DCDC2: variants seen among roughly 807,000 people sequenced by gnomAD.
DCDC2 encodes the protein doublecortin domain-containing protein 2.
In DCDC2, 40 loss-of-function variants were observed where a neutral mutation model predicts 50.2. The ratio of observed to expected loss-of-function variants is 0.80; its 90% CI spans 0.62 to 1.04. The LOEUF (loss-of-function observed/expected upper bound fraction) is 1.04. Ranked by LOEUF, DCDC2 falls within the 50% of genes least tolerant of loss-of-function variation. DCDC2 has a pLI of 0.00. For synonymous variants in DCDC2, 234 were observed against 210.6 expected, an observed-to-expected ratio of 1.11 and a Z score of -0.96; for missense variants, 570 against 581.9, an observed-to-expected ratio of 0.98 and a Z score of 0.21.
chr6:24,181,584 A>C (rs1470873125), intron 8 of DCDC2, among the ~76,000 whole-genome samples: 1 of 152,230 alleles, frequency 6.6e-6, no homozygotes, highest in Non-Finnish European at 1.5e-5. Flanking sequence ...TTTCATTTAC[A>C]ATAGCATCAA....
intron 2 of DCDC2, among the ~76,000 whole-genome samples, chr6:24,340,914 T>G (rs561410829): frequency 6.6e-6 from 1 of 152,196 alleles, no homozygotes; most frequent in African/African-American, 2.4e-5. Context: ...TTGGTAGAGA[T>G]AGGGTTTCAT....
intron 2 of DCDC2, among the ~76,000 whole-genome samples, chr6:24,318,924 A>T (rs1324027882): frequency 2.0e-5 from 3 of 151,950 alleles, no homozygotes; most frequent in Non-Finnish European, 4.4e-5. Flanking sequence ...TGATGTAATG[A>T]TTTCTTTCCT....
the DCDC2 span, among the ~76,000 whole-genome samples, chr6:24,369,222 T>C: frequency 6.6e-6 from 1 of 152,086 alleles, no homozygotes; most frequent in African/African-American, 2.4e-5. Flanking sequence ...AAGCCCCTTT[T>C]GTTTGTTTTT....
chr6:24,277,966 T>A (rs1763395506), intron 7 of DCDC2, 83 bp downstream of exon 7: 1 of 1,140,396 alleles, frequency 8.8e-7, no homozygotes, highest in African/African-American at 1.6e-5. Flanking sequence ...ATAAGGAATA[T>A]CTTCTGTGGG....
At chr6:24,317,123 T>A (rs565348105) in intron 2 of DCDC2, among the ~76,000 whole-genome samples, 2 of 151,706 alleles carry the variant, frequency 1.3e-5, no homozygotes, top group African/African-American at 4.9e-5. Context: ...GGAGAAAAAC[T>A]GAAAGATAAT....
intron 7 of DCDC2, among the ~76,000 whole-genome samples, chr6:24,268,927 T>G (rs1045873934): frequency 5.3e-5 from 8 of 152,198 alleles, no homozygotes; most frequent in African/African-American, 1.9e-4. Flanking sequence ...AAAGAAACAA[T>G]TTGGTATTAT....
At chr6:24,359,565 T>C (rs1045919873), upstream of DCDC2, among the ~76,000 whole-genome samples, 4 of 116,736 alleles carry the variant, frequency 3.4e-5, no homozygotes, top group African/African-American at 1.3e-4. Context: ...TATATATTTT[T>C]ATATATATAT....
At chr6:24,309,343 A>T (rs1483283439) in intron 2 of DCDC2, among the ~76,000 whole-genome samples, 1 of 152,070 alleles carries the variant, frequency 6.6e-6, no homozygotes, top group East Asian at 1.9e-4. Context: ...AAAAAAAATT[A>T]GTCCTAAAGA....
At chr6:24,322,212 C>T (rs1486929406) in intron 2 of DCDC2, among the ~76,000 whole-genome samples, 1 of 152,014 alleles carries the variant, frequency 6.6e-6, no homozygotes, top group Non-Finnish European at 1.5e-5. Context: ...TATTTTTGCT[C>T]CCTGAAGATT....
intron 2 of DCDC2, among the ~76,000 whole-genome samples, chr6:24,309,768 A>T (rs1167711035): frequency 6.6e-6 from 1 of 152,210 alleles, no homozygotes; most frequent in Non-Finnish European, 1.5e-5. Context: ...AAGGACAGAG[A>T]CAGGCAGACT....
At chr6:24,222,368 T>C (rs1615548) in intron 7 of DCDC2, among the ~76,000 whole-genome samples, 124,230 of 152,210 alleles carry the variant, frequency 0.82, 51,500 homozygotes, top group Non-Finnish European at 0.89. Context: ...CAAACTATTA[T>C]TGAATGTTCT....
upstream of DCDC2, among the ~76,000 whole-genome samples, chr6:24,358,787 AAAAT>A (rs1159501901): frequency 1.2e-5 from 1 of 80,474 alleles, no homozygotes; most frequent in Non-Finnish European, 2.2e-5. Context: ...TATAATATAT[AAAAT>A]ATATATTTTA....
intron 7 of DCDC2, among the ~76,000 whole-genome samples, chr6:24,253,976 C>T (rs915770444): frequency 1.3e-5 from 2 of 152,198 alleles, no homozygotes; most frequent in African/African-American, 2.4e-5. Context: ...AGCACAAACA[C>T]ATTGTACAGC....
At chr6:24,265,147 GA>G (rs1763092414) in intron 7 of DCDC2, among the ~76,000 whole-genome samples, 2 of 151,118 alleles carry the variant, frequency 1.3e-5, no homozygotes. Flanking sequence ...CAACAAAAAA[GA>G]AAAAAAGAAA....
chr6:24,295,562 T>G (rs550470781), intron 4 of DCDC2, among the ~76,000 whole-genome samples: 2 of 152,266 alleles, frequency 1.3e-5, no homozygotes, highest in South Asian at 4.1e-4. Flanking sequence ...TGATTCTATA[T>G]CTAGAAAATC....
intron 7 of DCDC2, 97 bp downstream of exon 7, chr6:24,277,952 G>A: frequency 9.8e-7 from 1 of 1,021,754 alleles, no homozygotes; most frequent in Non-Finnish European, 1.4e-6. Flanking sequence ...TCTCATATAT[G>A]AAAATAAGGA....
the DCDC2 span, among the ~76,000 whole-genome samples, chr6:24,378,678 A>G: frequency 6.6e-6 from 1 of 152,176 alleles, no homozygotes; most frequent in African/African-American, 2.4e-5. Context: ...AAGACCCACA[A>G]GTGAAATTAC....
chr6:24,211,241 C>T (rs563004829), intron 7 of DCDC2, among the ~76,000 whole-genome samples: 1 of 152,290 alleles, frequency 6.6e-6, no homozygotes, highest in South Asian at 2.1e-4. Context: ...TGCATTAATT[C>T]TTCATGTTCT....
chr6:24,213,283 G>A (rs977209430), intron 7 of DCDC2, among the ~76,000 whole-genome samples: 1 of 152,026 alleles, frequency 6.6e-6, no homozygotes, highest in Non-Finnish European at 1.5e-5. Flanking sequence ...CTATTAACTA[G>A]AAGCTCTTTT....
Sources: gnomAD v4.1 joint callset for allele counts (sites outside exome capture counted in the v4.1 genomes callset) on GRCh38, gnomAD v4.1.1 for gene constraint, MANE v1.5 for transcripts, NCBI Gene and HGNC (gene_info 2026-07-23, HGNC 2026-07-21) for gene names.